NCAM2: variants seen among roughly 807,000 people sequenced by gnomAD.
NCAM2 encodes the protein neural cell adhesion molecule 2.
NCAM2 carries 30 observed loss-of-function variants against 98.1 expected under a neutral mutation model. The observed-to-expected ratio is 0.31, with a 90% confidence interval of 0.23 to 0.41. The LOEUF (loss-of-function observed/expected upper bound fraction) is 0.41, where lower values mean the gene tolerates loss of function less well. NCAM2 is among the 10% of genes least tolerant of loss of function. The pLI, the probability that NCAM2 is intolerant of heterozygous loss-of-function variation, is 1.00. For synonymous variants in NCAM2, 368 were observed against 342.4 expected (o/e 1.07, Z -0.83); for missense variants, 867 against 1,005.8 (o/e 0.86, Z 1.87).
At chr21:21,301,744 C>A (rs1262335038) in intron 5 of NCAM2, among the ~76,000 whole-genome samples, 3 of 151,534 alleles carry the variant, frequency 2.0e-5, no homozygotes, top group African/African-American at 7.3e-5. Context: ...CATAGTATTC[C>A]ATGGTGTAAC....
intron 1 of NCAM2, among the ~76,000 whole-genome samples, chr21:21,100,336 G>T (rs2066214234): frequency 6.6e-6 from 1 of 151,930 alleles, no homozygotes; most frequent in Non-Finnish European, 1.5e-5. Flanking sequence ...CTGTAAAGGA[G>T]CTATATGAAT....
intron 1 of NCAM2, among the ~76,000 whole-genome samples, chr21:21,220,574 C>T (rs558310179): frequency 6.6e-6 from 1 of 152,246 alleles, no homozygotes; most frequent in Non-Finnish European, 1.5e-5. Context: ...TTAAGCAATT[C>T]ATGACTGTAT....
At chr21:21,413,541 C>T (rs1387005246) in intron 10 of NCAM2, among the ~76,000 whole-genome samples, 1 of 152,022 alleles carries the variant, frequency 6.6e-6, no homozygotes, top group African/African-American at 2.4e-5. Flanking sequence ...CCAAGAGCAC[C>T]TCAATAAAGT....
rs34111265 is a variant in NCAM2, at chr21:21,212,742, C to CTTT, written c.56-67820_56-67818dup. Among the ~76,000 whole-genome samples the CTTT allele has an allele frequency of 2.2e-4, 28 of 124,722 alleles. 1 individual carries two copies. The highest frequency in any genetic ancestry group is 4.4e-4 in the African/African-American group (15 of 33,742). The allele number at this position is 124,722 out of a possible 152,430, so 81.8% of individuals were successfully genotyped here. A position where few individuals can be genotyped will look rare whatever the true frequency, so the allele number is the denominator to read the frequency against. On this transcript the variant is annotated intron_variant, in intron 1 of 17. Transcript: ENST00000400546. ...GTATGTAAATCTGCAATTATCTGTG[C>CTTT]TTTTTTTTTTTTTTTTTTGAAGTGG... is the stretch of plus-strand genomic sequence containing the variant.
intron 1 of NCAM2, among the ~76,000 whole-genome samples, chr21:21,209,874 C>T (rs1320117273): frequency 6.6e-6 from 1 of 152,146 alleles, no homozygotes; most frequent in Non-Finnish European, 1.5e-5. Flanking sequence ...CCCCTCAACC[C>T]CCAAAGACAG....
At chr21:21,411,464 T>G (rs2076886432) in intron 10 of NCAM2, among the ~76,000 whole-genome samples, 1 of 151,894 alleles carries the variant, frequency 6.6e-6, no homozygotes, top group South Asian at 2.1e-4. Flanking sequence ...AAATAAGATT[T>G]TGTATAATTA....
intron 1 of NCAM2, among the ~76,000 whole-genome samples, chr21:21,012,009 C>T (rs1161243232): frequency 6.6e-6 from 1 of 151,844 alleles, no homozygotes; most frequent in Non-Finnish European, 1.5e-5. Context: ...AGAGAAGCTT[C>T]GTGCATTGTT....
intron 10 of NCAM2, 29 bp downstream of exon 10, chr21:21,410,490 T>G (rs767778869): frequency 2.3e-6 from 3 of 1,283,358 alleles, no homozygotes; most frequent in South Asian, 3.7e-5. Context: ...ATCAATAAAT[T>G]GTATTATTTT....
chr21:21,470,957 A>G (rs1984366666), intron 14 of NCAM2, among the ~76,000 whole-genome samples: 1 of 151,988 alleles, frequency 6.6e-6, no homozygotes, highest in Non-Finnish European at 1.5e-5. Context: ...GCTATTTTGT[A>G]TTTTGTAATT....
At chr21:21,524,187 GTTATCAGGTTTCTAAACGGGTATTACCTA>G (rs770173606) in intron 16 of NCAM2, among the ~76,000 whole-genome samples, 80 of 152,034 alleles carry the variant, frequency 5.3e-4, no homozygotes, top group Non-Finnish European at 1.0e-3. Context: ...AGCAAGGAAA[GTTATCAGGTTTCTAAACGGGTATTACCTA>G]TTATCAGGTT....
chr21:21,141,107 A>G (rs952822856), intron 1 of NCAM2, among the ~76,000 whole-genome samples: 14 of 152,164 alleles, frequency 9.2e-5, no homozygotes, highest in African/African-American at 3.4e-4. Flanking sequence ...TGATTTTTCT[A>G]TCATGATAAA....
rs1373622222 is a variant in NCAM2, at chr21:21,423,595, A to G, written c.1480+5026A>G. Reference sequence around the variant, plus strand: ...CATTTGACTTTTGTTATTTTTTTCCATTTAGGAGCTTGTACTACCAATTTT... The same window carrying G: ...CATTTGACTTTTGTTATTTTTTTCCGTTTAGGAGCTTGTACTACCAATTTT... On this transcript the variant is annotated intron_variant, in intron 11 of 17. Transcript: ENST00000400546. Among the ~76,000 whole-genome samples the G allele has an allele frequency of 2.6e-5, 4 of 151,988 alleles. No individual in the cohort carries two copies. In the East Asian group the frequency reaches 5.8e-4, roughly 22 times the overall value.
At chr21:21,164,690 T>C (rs563054410) in intron 1 of NCAM2, among the ~76,000 whole-genome samples, 1 of 152,350 alleles carries the variant, frequency 6.6e-6, no homozygotes, top group Non-Finnish European at 1.5e-5. Flanking sequence ...TTTAAGTTAA[T>C]TTATTGCAAC....
chr21:21,309,303 A>C (rs75632942), intron 5 of NCAM2, among the ~76,000 whole-genome samples: 2,821 of 152,016 alleles, frequency 0.019, 92 homozygotes, highest in East Asian at 0.15. Flanking sequence ...TCAATATTTT[A>C]GACCTTTTTT....
At chr21:21,210,559 A>G (rs778183893) in intron 1 of NCAM2, 1 of 1,288,506 alleles carries the variant, frequency 7.8e-7, no homozygotes, top group South Asian at 1.2e-5. Flanking sequence ...GAAGAGTACC[A>G]CGATGGTGAG....
At chr21:21,096,239 A>AT (rs979152694) in intron 1 of NCAM2, among the ~76,000 whole-genome samples, 14 of 151,598 alleles carry the variant, frequency 9.2e-5, no homozygotes, top group East Asian at 7.8e-4. Flanking sequence ...CTATATATAT[A>AT]TTTTTTTAAT....
chr21:21,264,832 TTATA>T (rs935258104), intron 1 of NCAM2, among the ~76,000 whole-genome samples: 2 of 140,632 alleles, frequency 1.4e-5, no homozygotes, highest in Non-Finnish European at 3.1e-5. Flanking sequence ...ATATTCCACT[TTATA>T]TACACACATG....
At chr21:21,168,787 AAAG>A (rs996148139) in intron 1 of NCAM2, among the ~76,000 whole-genome samples, 19 of 152,326 alleles carry the variant, frequency 1.2e-4, no homozygotes, top group African/African-American at 4.3e-4. Flanking sequence ...GAATGATATC[AAAG>A]AAGAACTAAA....
chr21:21,169,175 A>C (rs2068044132), intron 1 of NCAM2, among the ~76,000 whole-genome samples: 1 of 152,186 alleles, frequency 6.6e-6, no homozygotes, highest in Non-Finnish European at 1.5e-5. Context: ...GAGCAAAGGT[A>C]ATATACTGGA....
Sources: allele counts gnomAD v4.1 joint callset (sites outside exome capture counted in the v4.1 genomes callset), GRCh38; gene constraint gnomAD v4.1.1; transcripts MANE v1.5; gene names NCBI Gene and HGNC (gene_info 2026-07-23, HGNC 2026-07-21).